GLCE: variants seen among roughly 807,000 people sequenced by gnomAD.
GLCE encodes glucuronic acid epimerase.
GLCE carries 19 observed loss-of-function variants against 47.9 expected under a neutral mutation model. The ratio of observed to expected loss-of-function variants is 0.40; its 90% CI spans 0.28 to 0.58. The LOEUF (loss-of-function observed/expected upper bound fraction) is 0.58, where lower values mean the gene tolerates loss of function less well. GLCE is among the 20% of genes least tolerant of loss of function. GLCE has a pLI of 0.48. For synonymous variants in GLCE, 245 were observed against 263.4 expected, an observed-to-expected ratio of 0.93 and a Z score of 0.68; for missense variants, 556 against 743.3, an observed-to-expected ratio of 0.75 and a Z score of 2.93.
intron 2 of GLCE, among the ~76,000 whole-genome samples, chr15:69,248,880 C>G (rs928086598): frequency 1.3e-5 from 2 of 152,164 alleles, no homozygotes; most frequent in African/African-American, 4.8e-5. Flanking sequence ...GCTGGGATTA[C>G]AGGCATGAGC....
chr15:69,200,176 G>GT (rs2052057710), intron 1 of GLCE, among the ~76,000 whole-genome samples: 1 of 152,080 alleles, frequency 6.6e-6, no homozygotes, highest in African/African-American at 2.4e-5. Flanking sequence ...CATCTGTGTT[G>GT]TGGCATGCTC....
chr15:69,263,520 A>G (rs2140451783), intron 4 of GLCE, among the ~76,000 whole-genome samples: 1 of 152,014 alleles, frequency 6.6e-6, no homozygotes, highest in Non-Finnish European at 1.5e-5. Context: ...GGTCTGCAGC[A>G]TATTTTTGTT....
chr15:69,209,139 T>A (rs767971928), intron 1 of GLCE, among the ~76,000 whole-genome samples: 1 of 152,058 alleles, frequency 6.6e-6, no homozygotes, highest in South Asian at 2.1e-4. Flanking sequence ...TTTTATCTTC[T>A]ATTTTTTTTT....
At chr15:69,206,506 C>T (rs2052154707) in intron 1 of GLCE, among the ~76,000 whole-genome samples, 1 of 151,740 alleles carries the variant, frequency 6.6e-6, no homozygotes, top group African/African-American at 2.4e-5. Context: ...AGCCTTTGTC[C>T]CTTCTCTTCC....
chr15:69,257,333 A>G (rs1261396945), intron 3 of GLCE, among the ~76,000 whole-genome samples: 1 of 151,956 alleles, frequency 6.6e-6, no homozygotes, highest in Non-Finnish European at 1.5e-5. Context: ...TAAATTTTTT[A>G]TAATATCTTT....
chr15:69,200,750 A>C (rs976170601), intron 1 of GLCE, among the ~76,000 whole-genome samples: 1 of 152,130 alleles, frequency 6.6e-6, no homozygotes, highest in African/African-American at 2.4e-5. Flanking sequence ...CTACCATCAT[A>C]AATCAATACA....
intron 1 of GLCE, among the ~76,000 whole-genome samples, chr15:69,181,660 T>G (rs138168628): frequency 6.6e-6 from 1 of 152,034 alleles, no homozygotes; most frequent in Non-Finnish European, 1.5e-5. Flanking sequence ...GGTGGGGAAA[T>G]AGACTCATTG....
At chr15:69,235,624 C>T (rs2052586661) in intron 2 of GLCE, among the ~76,000 whole-genome samples, 1 of 152,132 alleles carries the variant, frequency 6.6e-6, no homozygotes, top group Non-Finnish European at 1.5e-5. Flanking sequence ...GATTGTCAAG[C>T]TTACCAGGAT....
chr15:69,265,669 T>C (rs978653511), intron 4 of GLCE, among the ~76,000 whole-genome samples: 2 of 152,190 alleles, frequency 1.3e-5, no homozygotes, highest in African/African-American at 4.8e-5. Context: ...AGATATAAGG[T>C]GACTGATTAA....
At chr15:69,214,119 A>G (rs953951500) in intron 2 of GLCE, among the ~76,000 whole-genome samples, 2 of 152,066 alleles carry the variant, frequency 1.3e-5, no homozygotes, top group Non-Finnish European at 2.9e-5. Context: ...CTCTCCAAGG[A>G]ACCCAGGTCC....
intron 2 of GLCE, among the ~76,000 whole-genome samples, chr15:69,233,843 C>T (rs540302259): frequency 1.3e-5 from 2 of 152,238 alleles, no homozygotes; most frequent in East Asian, 3.9e-4. Flanking sequence ...TAAATTCTGT[C>T]TTAAGGAAGC....
intron 1 of GLCE, among the ~76,000 whole-genome samples, chr15:69,191,723 C>G (rs1290056557): frequency 6.6e-6 from 1 of 151,996 alleles, no homozygotes; most frequent in Non-Finnish European, 1.5e-5. Flanking sequence ...AGTAAAACAC[C>G]CTTTTTAGTT....
At chr15:69,210,655 C>T (rs989668576) in intron 2 of GLCE, among the ~76,000 whole-genome samples, 3 of 152,044 alleles carry the variant, frequency 2.0e-5, no homozygotes, top group African/African-American at 7.2e-5. Flanking sequence ...AGCTAATGTT[C>T]CTTGTAACAA....
rs1595730871 is a variant in GLCE, at chr15:69,166,766, A to G, written c.-105+6009A>G. Among the ~76,000 whole-genome samples the G allele has an allele frequency of 5.1e-5, 6 of 117,368 alleles. 1 individual carries two copies. Among genetic ancestry groups the G allele is most frequent in the African/African-American group, 1.9e-4 (6 of 31,394 alleles). The allele number at this position is 117,368 out of a possible 152,430, so 77.0% of individuals were successfully genotyped here. A position where few individuals can be genotyped will look rare whatever the true frequency, so the allele number is the denominator to read the frequency against. The stretch of plus-strand genomic sequence containing the variant: ...GAAACCCCGTCTCTACTAAAAATAC[A>G]AAAATTAGCCGGGCGTGGTGGCACA... On this transcript the variant is annotated intron_variant, in intron 1 of 4. Coordinates refer to ENST00000261858, the MANE Select transcript of GLCE (RefSeq NM_015554.3).
At chr15:69,209,976 G>A (rs1240669581) in intron 1 of GLCE, among the ~76,000 whole-genome samples, 4 of 152,126 alleles carry the variant, frequency 2.6e-5, no homozygotes, top group African/African-American at 7.2e-5. Context: ...AGAAAAAAAC[G>A]GGGGGATTTG....
At chr15:69,192,375 AT>A (rs575080841) in intron 1 of GLCE, among the ~76,000 whole-genome samples, 281 of 151,712 alleles carry the variant, frequency 1.9e-3, no homozygotes, top group African/African-American at 6.1e-3. Flanking sequence ...TATTTCAAGT[AT>A]TTTTTTATAT....
intron 2 of GLCE, among the ~76,000 whole-genome samples, chr15:69,224,564 T>G (rs999469948): frequency 6.6e-6 from 1 of 152,176 alleles, no homozygotes; most frequent in Non-Finnish European, 1.5e-5. Flanking sequence ...TGGCAGCCTC[T>G]TTGACTACAC....
intron 1 of GLCE, among the ~76,000 whole-genome samples, chr15:69,170,714 A>T (rs963435231): frequency 3.3e-5 from 5 of 152,240 alleles, no homozygotes; most frequent in African/African-American, 9.6e-5. Context: ...TATGATTCGT[A>T]TCTGGCTACT....
chr15:69,219,558 G>A (rs1566959531), intron 2 of GLCE, among the ~76,000 whole-genome samples: 2 of 152,094 alleles, frequency 1.3e-5, no homozygotes, highest in African/African-American at 4.8e-5. Context: ...CAAGACTTGG[G>A]TCTAGTGTTG....
Sources: gnomAD v4.1 joint callset for allele counts (sites outside exome capture counted in the v4.1 genomes callset) on GRCh38, gnomAD v4.1.1 for gene constraint, MANE v1.5 for transcripts, NCBI Gene and HGNC (gene_info 2026-07-23, HGNC 2026-07-21) for gene names.